GABRP: variants seen among roughly 807,000 people sequenced by gnomAD.
GABRP encodes gamma-aminobutyric acid type A receptor subunit pi.
GABRP carries 52 observed loss-of-function variants against 47.8 expected under a neutral mutation model. The observed-to-expected ratio is 1.09, with a 90% CI of 0.87 to 1.37. The LOEUF is 1.37. Ranked by LOEUF, GABRP falls within the 40% of genes most tolerant of loss-of-function variation. GABRP has a pLI of 0.00. For synonymous variants in GABRP, 221 were observed against 205.8 expected (o/e 1.07, Z -0.63); for missense variants, 525 against 542.8 (o/e 0.97, Z 0.33).
At position 170,809,602 on chromosome 5, in the gene GABRP, G is replaced by A; in HGVS notation, c.867G>A (p.Met289Ile). The change falls in exon 9 of 10, where the codon ATG becomes ATA. Residue 289 changes from methionine to isoleucine, a missense_variant. Met to Ile is a conservative substitution (Grantham distance 10, BLOSUM62 1). Transcript: ENST00000265294. ...CCGTGTTATCAATGACCACACTGAT[G>A]ATCGGGTCCCGCACTTCTCTTCCCA... Reference protein sequence around the residue: ...VTTVLSMTTLMIGSRTSLPNT... With the variant: ...VTTVLSMTTLIIGSRTSLPNT... The A allele has an allele frequency of 6.2e-7, 1 of 1,614,136 alleles. No individual in the cohort carries two copies. The highest frequency in any genetic ancestry group is 8.5e-7 in the Non-Finnish European group (1 of 1,180,040).
chr5:170,808,898 GAGAC>G (rs749034074), intron 8 of GABRP, 146 bp downstream of exon 8: 3 of 664,626 alleles, frequency 4.5e-6, no homozygotes, highest in Non-Finnish European at 7.4e-6. Flanking sequence ...AAGAAAGAGA[GAGAC>G]AGAAAGAGAC....
chr5:170,809,574 C>T lies in GABRP; in HGVS notation c.839C>T (p.Thr280Met), dbSNP rs558177227. The T allele has an allele frequency of 2.3e-5, 37 of 1,613,700 alleles. No individual in the cohort carries two copies. In the East Asian group the frequency reaches 5.1e-4, roughly 22 times the overall value. ...CCCCTGCCTGTTTTCCCAGGAGTGA[C>T]GACCGTGTTATCAATGACCACACTG... Reference protein sequence around the residue: ...SVPARTCIGVTTVLSMTTLMI... With the variant: ...SVPARTCIGVMTVLSMTTLMI... Residue 280 changes from threonine (T) to methionine (M), a missense_variant, in exon 9 of 10, where the codon ACG (threonine) becomes ATG (methionine). Thr to Met is a moderately conservative substitution (Grantham distance 81). Transcript: ENST00000265294.
chr5:170,795,511 C>A (rs1303086028), intron 5 of GABRP, 86 bp downstream of exon 5: 2 of 1,052,370 alleles, frequency 1.9e-6, no homozygotes, highest in Non-Finnish European at 2.9e-6. Flanking sequence ...GTGACCAGAA[C>A]TCAAATAGCC....
At chr5:170,789,587 C>T (rs138501140) in intron 3 of GABRP, among the ~76,000 whole-genome samples, 34 of 152,290 alleles carry the variant, frequency 2.2e-4, no homozygotes, top group Middle Eastern at 3.4e-3. Flanking sequence ...TGGTCTTCCC[C>T]CTCCAGCCTG....
rs1242638941 is a variant in GABRP, at chr5:170,783,848, C to T, written c.-69C>T. On this transcript the variant is annotated 5_prime_UTR_variant, in exon 1 of 10. Transcript: ENST00000265294. Reference sequence around the variant, plus strand: ...CCTGCCTGTAGGCCTGAAGGACTTGCCCTAACAGAGCCTCAACAACTACCT... The same window carrying T: ...CCTGCCTGTAGGCCTGAAGGACTTGTCCTAACAGAGCCTCAACAACTACCT... 1 of 152,360 alleles carries T rather than the reference C, an allele frequency of 6.6e-6. No homozygotes were observed. Among genetic ancestry groups the T allele is most frequent in the African/African-American group, 2.4e-5 (1 of 41,446 alleles). The allele number at this position is 152,360 out of a possible 1,614,324, so 9.4% of individuals were successfully genotyped here. A position where few individuals can be genotyped will look rare whatever the true frequency, so the allele number is the denominator to read the frequency against.
At chr5:170,793,911 G>A (rs557936858) in intron 3 of GABRP, among the ~76,000 whole-genome samples, 1 of 151,768 alleles carries the variant, frequency 6.6e-6, no homozygotes, top group South Asian at 2.1e-4. Context: ...CTCCAGCCTG[G>A]GCAAGAAGAG....
At chr5:170,794,667 T>C (rs1245895607) in intron 4 of GABRP, among the ~76,000 whole-genome samples, 1 of 152,086 alleles carries the variant, frequency 6.6e-6, no homozygotes, top group East Asian at 1.9e-4. Flanking sequence ...ACATGGTCTT[T>C]TATAATGGGG....
At chr5:170,807,389 T>C (rs1765763080) in intron 7 of GABRP, among the ~76,000 whole-genome samples, 1 of 152,190 alleles carries the variant, frequency 6.6e-6, no homozygotes, top group Non-Finnish European at 1.5e-5. Flanking sequence ...TGGGTTCATA[T>C]AAAAAATGGC....
At chr5:170,789,430 G>C (rs748247445) in intron 3 of GABRP, among the ~76,000 whole-genome samples, 183 bp downstream of exon 3, 31 of 152,156 alleles carry the variant, frequency 2.0e-4, no homozygotes, top group Non-Finnish European at 3.4e-4. Context: ...AAGGCACCCA[G>C]CCTCTCCACC....
chr5:170,808,403 T>C (rs1765791077), intron 7 of GABRP, among the ~76,000 whole-genome samples, 197 bp from the exon 8 acceptor site: 1 of 152,116 alleles, frequency 6.6e-6, no homozygotes, highest in African/African-American at 2.4e-5. Context: ...AGGTTGGACA[T>C]AAGGCAGGAC....
Position 170,812,602 on chromosome 5 carries a change from G to A in GABRP, c.*344G>A. ...ATAAAGAATGGGAAGGAGACCATTG[G>A]GTAACCCTCAAGTGTCAGAAGTTGT... On this transcript the variant is annotated 3_prime_UTR_variant, in exon 10 of 10. Transcript: ENST00000265294. 4.8e-6 allele frequency: 1 copy of A among 207,524 alleles called. No homozygotes were observed. The allele number at this position is 207,524 out of a possible 1,614,324, so 12.9% of individuals were successfully genotyped here.
At chr5:170,788,740 A>G in intron 2 of GABRP, 72 bp downstream of exon 2, 1 of 1,410,986 alleles carries the variant, frequency 7.1e-7, no homozygotes, top group Non-Finnish European at 1.0e-6. Context: ...GGGAGGGGGC[A>G]GCTCCTCCTA....
At chr5:170,785,176 C>G (rs551664157) in intron 1 of GABRP, among the ~76,000 whole-genome samples, 116 of 152,302 alleles carry the variant, frequency 7.6e-4, no homozygotes, top group African/African-American at 2.5e-3. Flanking sequence ...GGATGTGCTG[C>G]GGATGCAACA....
At chr5:170,787,335 G>A (rs1330843759) in intron 1 of GABRP, among the ~76,000 whole-genome samples, 3 of 152,140 alleles carry the variant, frequency 2.0e-5, no homozygotes, top group African/African-American at 4.8e-5. Context: ...CTGAGAATGG[G>A]GCCTGAGCCT....
Position 170,813,695 on chromosome 5 carries a change from G to A in GABRP, c.*1437G>A, listed in dbSNP as rs1765951265. 6.6e-6 allele frequency: 1 copy of A among 152,106 alleles called. No homozygotes were observed. The highest frequency in any genetic ancestry group is 2.4e-5 in the African/African-American group (1 of 41,414). 9.4% of individuals were successfully genotyped at this position (152,106 alleles called of 1,614,324 possible). ...AGCTTCCTGTTCTAATAAATGCACG[G>A]CTTTACCTTTCCTGTCAGAAATAAA... On this transcript the variant is annotated 3_prime_UTR_variant, in exon 10 of 10. Coordinates refer to ENST00000265294, the MANE Select transcript of GABRP (RefSeq NM_014211.3).
Position 170,785,775 on chromosome 5 carries a change from C to A in GABRP, c.-43+1901C>A, listed in dbSNP as rs117249911. ...AATGAGGAATATGCCAAAGTGGAACCATGTTCCTTCAGGCCAGACCAGGAG... is the reference window on the plus strand; with the variant it reads ...AATGAGGAATATGCCAAAGTGGAACAATGTTCCTTCAGGCCAGACCAGGAG... On this transcript the variant is annotated intron_variant, in intron 1 of 9. Transcript: ENST00000265294. Among the ~76,000 whole-genome samples, 29 of 152,298 alleles carry A rather than the reference C, an allele frequency of 1.9e-4. No individual in the cohort carries two copies. In the East Asian group the frequency reaches 5.2e-3, roughly 27 times the overall value.
intron 6 of GABRP, among the ~76,000 whole-genome samples, chr5:170,801,072 G>T (rs758978506): frequency 6.6e-6 from 1 of 152,220 alleles, no homozygotes; most frequent in African/African-American, 2.4e-5. Flanking sequence ...TGAGAGATAT[G>T]TATATTGTTT....
intron 6 of GABRP, among the ~76,000 whole-genome samples, chr5:170,800,683 C>T (rs561532854): frequency 8.5e-5 from 13 of 152,292 alleles, no homozygotes; most frequent in South Asian, 8.3e-4. Context: ...CAGTGGCTCA[C>T]GCCTATAATC....
intron 8 of GABRP, 106 bp from the exon 9 acceptor site, chr5:170,809,462 G>A: frequency 9.7e-7 from 1 of 1,025,776 alleles, no homozygotes; most frequent in Admixed American, 1.9e-5. Flanking sequence ...TTCCATTTCT[G>A]GGTCTTGCCC....
Sources: gnomAD v4.1 joint callset for allele counts (sites outside exome capture counted in the v4.1 genomes callset) on GRCh38, gnomAD v4.1.1 for gene constraint, MANE v1.5 for transcripts, NCBI Gene and HGNC (gene_info 2026-07-23, HGNC 2026-07-21) for gene names.